The following FAM81A variants were observed in gnomAD, a reference collection of about 807,000 sequenced individuals.
The protein encoded by FAM81A is family with sequence similarity 81 member A.
Under a neutral mutation model 46.7 loss-of-function variants are expected in FAM81A, and 19 were observed. The observed-to-expected ratio is 0.41, with a 90% CI of 0.28 to 0.60. FAM81A has a LOEUF of 0.60. Among genes scored for constraint, FAM81A ranks in the 20% least tolerant of loss-of-function variants. The pLI, the probability that FAM81A is intolerant of heterozygous loss-of-function variation, is 0.34. For missense variants in FAM81A, 377 were observed against 453.5 expected (o/e 0.83, Z 1.53); for synonymous variants, 183 against 152.9 (o/e 1.20, Z -1.45).
intron 2 of FAM81A, among the ~76,000 whole-genome samples, chr15:59,405,313 G>T (rs1167537850): frequency 1.3e-5 from 2 of 152,146 alleles, no homozygotes; most frequent in Non-Finnish European, 2.9e-5. Flanking sequence ...AGGGGTTTGG[G>T]AGGGTACAAA....
At chr15:59,479,450 G>A (rs1390334153) in intron 3 of FAM81A, among the ~76,000 whole-genome samples, 1 of 145,794 alleles carries the variant, frequency 6.9e-6, no homozygotes, top group Non-Finnish European at 1.5e-5. Flanking sequence ...GGCGGAGGTT[G>A]CAGTGAGCTG....
chr15:59,404,881 C>T (rs1340621380), intron 2 of FAM81A, among the ~76,000 whole-genome samples: 1 of 152,204 alleles, frequency 6.6e-6, no homozygotes, highest in Non-Finnish European at 1.5e-5. Context: ...GCCAGTAAAG[C>T]TAGTAGGTCT....
At chr15:59,492,698 A>T (rs1182726286) in intron 4 of FAM81A, among the ~76,000 whole-genome samples, 3 of 152,190 alleles carry the variant, frequency 2.0e-5, no homozygotes. Context: ...TAAAGTTGAG[A>T]TAGTTTGTAT....
intron 1 of FAM81A, among the ~76,000 whole-genome samples, chr15:59,455,523 C>T (rs1208826955): frequency 2.0e-5 from 3 of 152,158 alleles, no homozygotes; most frequent in Non-Finnish European, 4.4e-5. Flanking sequence ...CATTATCAAT[C>T]TTTATTCATC....
chr15:59,456,224 C>T (rs1382603459), intron 1 of FAM81A, among the ~76,000 whole-genome samples: 9 of 151,566 alleles, frequency 5.9e-5, no homozygotes, highest in East Asian at 1.9e-4. Flanking sequence ...ATAGAGCGCA[C>T]GCACAGAGGT....
intron 1 of FAM81A, chr15:59,438,927 T>C (rs2081266616): frequency 6.6e-6 from 1 of 152,238 alleles, no homozygotes; most frequent in Non-Finnish European, 1.5e-5. Flanking sequence ...GGTTAAAACC[T>C]CTTTGGTGCC....
rs114874432 is a variant in FAM81A, at chr15:59,413,055, G to C, written c.-78+10697G>C. On this transcript the variant is annotated intron_variant, in intron 2 of 4. Transcript: ENST00000558348. ...CCAGAATTTCACAGTTTTGTTATAC[G>C]TGCAGCTCCCTTGGGAGCAACAGCA... Among the ~76,000 whole-genome samples, 821 of 152,234 alleles carry C rather than the reference G, an allele frequency of 5.4e-3. 4 individuals are homozygous for C. Among genetic ancestry groups the C allele is most frequent in the African/African-American group, 0.018 (757 of 41,538 alleles).
At chr15:59,415,983 A>G (rs1159632495) in intron 2 of FAM81A, among the ~76,000 whole-genome samples, 2 of 152,230 alleles carry the variant, frequency 1.3e-5, no homozygotes, top group African/African-American at 4.8e-5. Context: ...ACAATCCCTG[A>G]ACATACTGTA....
intron 2 of FAM81A, among the ~76,000 whole-genome samples, chr15:59,459,036 C>G (rs1596487337): frequency 6.6e-6 from 1 of 152,202 alleles, no homozygotes; most frequent in Non-Finnish European, 1.5e-5. Context: ...TCACTCTGTT[C>G]CCCAGGCTAG....
chr15:59,492,978 G>A (rs1322031186), intron 4 of FAM81A, among the ~76,000 whole-genome samples: 2 of 152,178 alleles, frequency 1.3e-5, no homozygotes, highest in Non-Finnish European at 1.5e-5. Context: ...GAAAGTCCGG[G>A]AAGCACTGTA....
At chr15:59,471,633 T>C (rs1708010785) in intron 3 of FAM81A, among the ~76,000 whole-genome samples, 1 of 69,838 alleles carries the variant, frequency 1.4e-5, no homozygotes, top group South Asian at 4.4e-4. Context: ...TGCTAATTTT[T>C]CTTATTTTTT....
intron 3 of FAM81A, among the ~76,000 whole-genome samples, chr15:59,466,032 A>G (rs1468690057): frequency 6.6e-6 from 1 of 152,232 alleles, no homozygotes; most frequent in Non-Finnish European, 1.5e-5. Flanking sequence ...TGCAAAGGAC[A>G]TGAACTCATC....
chr15:59,518,441 C>T (rs1404093678), intron 8 of FAM81A, among the ~76,000 whole-genome samples: 1 of 152,110 alleles, frequency 6.6e-6, no homozygotes, highest in Non-Finnish European at 1.5e-5. Flanking sequence ...CCTCGACCTC[C>T]TGAGCAGCTA....
chr15:59,402,519 G>A (rs1239575653), intron 2 of FAM81A, among the ~76,000 whole-genome samples: 1 of 152,072 alleles, frequency 6.6e-6, no homozygotes, highest in East Asian at 1.9e-4. Flanking sequence ...TGGCTAGAAG[G>A]ATATTTTAAA....
At chr15:59,492,225 A>C in intron 3 of FAM81A, 46 bp from the exon 4 acceptor site, 3 of 1,403,810 alleles carry the variant, frequency 2.1e-6, no homozygotes, top group Non-Finnish European at 3.0e-6. Context: ...TTGTGGAAGC[A>C]CGTGAATTCT....
intron 1 of FAM81A, among the ~76,000 whole-genome samples, chr15:59,449,454 G>C (rs1380183282): frequency 6.6e-6 from 1 of 152,096 alleles, no homozygotes; most frequent in African/African-American, 2.4e-5. Context: ...TTACAGATTT[G>C]GCATATTATT....
chr15:59,461,533 C>G (rs962445729), intron 3 of FAM81A, among the ~76,000 whole-genome samples: 2 of 152,248 alleles, frequency 1.3e-5, no homozygotes, highest in East Asian at 3.9e-4. Flanking sequence ...GTTGCCCAGA[C>G]AGGGCTTGAA....
chr15:59,503,741 T>A (rs1244417555), intron 4 of FAM81A, among the ~76,000 whole-genome samples: 1 of 152,016 alleles, frequency 6.6e-6, no homozygotes, highest in Non-Finnish European at 1.5e-5. Flanking sequence ...CCCAGCTAAT[T>A]TTTGTATTTT....
intron 8 of FAM81A, 51 bp from the exon 9 acceptor site, chr15:59,521,203 C>G: frequency 6.3e-7 from 1 of 1,577,934 alleles, no homozygotes. Flanking sequence ...GAATTTGATA[C>G]AGCATTTTAA....
Sources: allele counts gnomAD v4.1 joint callset (sites outside exome capture counted in the v4.1 genomes callset), GRCh38; gene constraint gnomAD v4.1.1; transcripts MANE v1.5; gene names NCBI Gene and HGNC (gene_info 2026-07-23, HGNC 2026-07-21).